The following RYR1 variants were observed in gnomAD, a reference collection of about 807,000 sequenced individuals.
RYR1 encodes the protein central core disease of muscle.
A neutral mutation model predicts 583.5 loss-of-function variants in RYR1; 342 were observed. The observed-to-expected ratio is 0.59, with a 90% confidence interval of 0.54 to 0.64. RYR1 has a LOEUF of 0.64. RYR1 is among the 30% of genes least tolerant of loss of function. The probability of loss-of-function intolerance (pLI) is 0.00; values close to 1 mark genes in which losing one functional copy is unlikely to be tolerated. For missense variants in RYR1, 6,032 were observed against 6,917.2 expected (o/e 0.87, Z 4.54); for synonymous variants, 2,791 against 2,822.5 (o/e 0.99, Z 0.35).
Position 38,587,442 on chromosome 19 carries a change from A to G in RYR1, c.*22A>G. The G allele has an allele frequency of 6.3e-7, 1 of 1,577,494 alleles. No homozygotes were observed. The highest frequency in any genetic ancestry group is 8.7e-7 in the Non-Finnish European group (1 of 1,147,650). On this transcript the variant is annotated 3_prime_UTR_variant, in exon 106 of 106. Transcript: ENST00000359596. Reference sequence around the variant, plus strand: ...CTGACACACCCCCAGCTGGCCCTCCACCCCCACCTCAAGTGCCTTATTCTC... The same window carrying G: ...CTGACACACCCCCAGCTGGCCCTCCGCCCCCACCTCAAGTGCCTTATTCTC...
chr19:38,565,860 G>A lies in RYR1; in HGVS notation c.13437+89G>A, dbSNP rs750425746. On this transcript the variant is annotated intron_variant, in intron 91 of 105. Transcript: ENST00000359596. The surrounding 1 kb of genome is among the most constrained non-coding windows in gnomAD (Gnocchi z 4.7). ...CCGGCTGGGTGGAGACACACACAGAGGAGAGAACTGGCTAGGGGGATGGGC... is the reference window on the plus strand; with the variant it reads ...CCGGCTGGGTGGAGACACACACAGAAGAGAGAACTGGCTAGGGGGATGGGC... 35 of 1,312,646 alleles carry A rather than the reference G, an allele frequency of 2.7e-5. No individual in the cohort carries two copies. The highest frequency in any genetic ancestry group is 4.0e-5 in the Admixed American group (1 of 24,980). 81.3% of individuals were successfully genotyped at this position (1,312,646 alleles called of 1,614,324 possible). A position where few individuals can be genotyped will look rare whatever the true frequency, so the allele number is the denominator to read the frequency against.
At chr19:38,568,008 C>T (rs1973526097) in intron 93 of RYR1, 91 bp downstream of exon 93, 1 of 1,460,862 alleles carries the variant, frequency 6.8e-7, no homozygotes, top group East Asian at 2.4e-5. Flanking sequence ...TTCTTGAGTT[C>T]ATCTGTTCAA....
chr19:38,542,819 C>G (rs1344436197), intron 84 of RYR1, among the ~76,000 whole-genome samples: 1 of 149,118 alleles, frequency 6.7e-6, no homozygotes, highest in Admixed American at 6.7e-5. Flanking sequence ...CCGCTCCCAG[C>G]CTATTTTAAA....
At chr19:38,503,374 G>C (rs1568508446) in intron 49 of RYR1, among the ~76,000 whole-genome samples, 2 of 152,042 alleles carry the variant, frequency 1.3e-5, no homozygotes, top group African/African-American at 4.8e-5. Context: ...TTTGCACACT[G>C]TCTCTCTTAT....
chr19:38,576,171 A>G (rs1179475011), intron 97 of RYR1, among the ~76,000 whole-genome samples: 1 of 152,018 alleles, frequency 6.6e-6, no homozygotes, highest in Non-Finnish European at 1.5e-5. Context: ...CAGAGCATCA[A>G]GGCCAAGCGT....
At position 38,438,387 on chromosome 19, in the gene RYR1, A is replaced by ATTT. The variant is rs35789428; in HGVS notation, c.46-2348_46-2346dup. ...GGATTTAAGCTCCCTGAGGGCCGTG[A>ATTT]TTTTTTTTTTTTCCTTTTGAGACAT... On this transcript the variant is annotated intron_variant, in intron 1 of 105. Coordinates refer to ENST00000359596, the MANE Select transcript of RYR1 (RefSeq NM_000540.3). Among the ~76,000 whole-genome samples the ATTT allele has an allele frequency of 6.9e-4, 101 of 147,094 alleles. 1 individual carries two copies. The highest frequency in any genetic ancestry group is 2.8e-3 in the East Asian group (14 of 5,002).
At chr19:38,564,066 G>A (rs909863750) in intron 90 of RYR1, among the ~76,000 whole-genome samples, 2 of 152,172 alleles carry the variant, frequency 1.3e-5, no homozygotes, top group African/African-American at 4.8e-5. Flanking sequence ...TCTCTCTATA[G>A]GTTTGCTATT....
At chr19:38,511,129 C>G (rs1479116216) in intron 60 of RYR1, among the ~76,000 whole-genome samples, 1 of 152,000 alleles carries the variant, frequency 6.6e-6, no homozygotes, top group Middle Eastern at 3.4e-3. Context: ...GACCCCATTT[C>G]TACAAAAAAT....
At position 38,543,749 on chromosome 19, in the gene RYR1, C is replaced by T. The variant is rs369123879; in HGVS notation, c.11908-22C>T. 14 of 1,611,662 alleles carry T rather than the reference C, an allele frequency of 8.7e-6. No individual in the cohort carries two copies. The African/African-American group carries it at 1.1e-4, about 12-fold the overall frequency. ...CCTTCTCGGGGATTCCCTTCCCCCC[C>T]ACACGGCACTCTGCCTCCCAGGGTC... On this transcript the variant is annotated intron_variant, in intron 86 of 105. Transcript: ENST00000359596. The surrounding 1 kb of genome is among the most constrained non-coding windows in gnomAD (Gnocchi z 4.4).
Position 38,463,425 on chromosome 19 carries a change from T to C in RYR1, c.2580T>C (p.Ile860=). ...CAAGAACGTCCCTCTGCCTCTAGAT[T>C]GTCCTGCCGCCCCATCTGGAGCGCA... ...FVPCPVDTVQ[I]VLPPHLERIR... Residue 860 remains isoleucine, a splice_region_variant and synonymous_variant, in exon 21 of 106, where the codon ATT becomes ATC. Coordinates refer to ENST00000359596, the MANE Select transcript of RYR1 (RefSeq NM_000540.3). 1 of 1,613,742 alleles carries C rather than the reference T, an allele frequency of 6.2e-7. No individual in the cohort carries two copies. Among genetic ancestry groups the C allele is most frequent in the South Asian group, 1.1e-5 (1 of 91,048 alleles).
rs183222504 is a variant in RYR1 at position 38,554,761 on chromosome 19, C to A, written c.12282+6341C>A. On this transcript the variant is annotated intron_variant, in intron 89 of 105. Coordinates refer to ENST00000359596, the MANE Select transcript of RYR1 (RefSeq NM_000540.3). Reference sequence around the variant, plus strand: ...GCGCTGGGATTACAGGAATGAGTCACCTCACCCAACAGAAACCACATTTTA... The same window carrying A: ...GCGCTGGGATTACAGGAATGAGTCAACTCACCCAACAGAAACCACATTTTA... Among the ~76,000 whole-genome samples the A allele has an allele frequency of 2.0e-5, 3 of 152,228 alleles. No individual in the cohort carries two copies. The East Asian group carries it at 5.8e-4, about 29-fold the overall frequency.
intron 31 of RYR1, 82 bp downstream of exon 31, chr19:38,478,682 A>G: frequency 6.6e-7 from 1 of 1,514,082 alleles, no homozygotes; most frequent in Non-Finnish European, 9.1e-7. Context: ...CCCTGAGGCC[A>G]GACCTCAGAG....
Position 38,565,271 on chromosome 19 carries a change from C to CTGCGGCGGCGCG in RYR1, c.12947_12958dup (p.Arg4316_Arg4319dup), listed in dbSNP as rs1455190973. 2.4e-5 allele frequency: 24 copies of CTGCGGCGGCGCG among 995,600 alleles called. No homozygotes were observed. The highest frequency in any genetic ancestry group is 2.2e-4 in the East Asian group (2 of 9,218). 61.7% of individuals were successfully genotyped at this position (995,600 alleles called of 1,614,324 possible). ...CCTGCGAGGCCTCAGCTACCGCAGC[C>CTGCGGCGGCGCG]TGCGGCGGCGCGTGCGGCGGCTGCG... On this transcript the variant is annotated inframe_insertion, in exon 91 of 106. Transcript: ENST00000359596. The surrounding 1 kb of genome is among the most constrained non-coding windows in gnomAD (Gnocchi z 4.7).
At chr19:38,570,528 G>A (rs1028232865) in intron 93 of RYR1, 79 bp from the exon 94 acceptor site, 3 of 977,606 alleles carry the variant, frequency 3.1e-6, no homozygotes, top group Non-Finnish European at 5.0e-6. Flanking sequence ...TACTTTGATT[G>A]CAGGTAAATG....
At position 38,466,008 on chromosome 19, in the gene RYR1, T is replaced by C; in HGVS notation, c.2871-83T>C. 3.0e-6 allele frequency: 4 copies of C among 1,319,424 alleles called. No individual in the cohort carries two copies. In the Admixed American group the frequency reaches 7.9e-5, roughly 26 times the overall value. 81.7% of individuals were successfully genotyped at this position (1,319,424 alleles called of 1,614,324 possible). On this transcript the variant is annotated intron_variant, in intron 23 of 105. Transcript: ENST00000359596. ...AGAAACGCCGAAGCTGGGACAAGGG[T>C]CAGCAGTCAGGGATCCCATATAGTG...
At chr19:38,464,118 A>C (rs1382942488) in intron 22 of RYR1, among the ~76,000 whole-genome samples, 2 of 151,886 alleles carry the variant, frequency 1.3e-5, no homozygotes, top group Non-Finnish European at 2.9e-5. Flanking sequence ...CTCTACTAAA[A>C]ATACAAAACT....
intron 49 of RYR1, 111 bp downstream of exon 49, chr19:38,503,081 G>A (rs921346169): frequency 2.0e-6 from 2 of 1,005,814 alleles, no homozygotes; most frequent in East Asian, 5.0e-5. Flanking sequence ...CAATAAACCT[G>A]CACTAGTTAG....
At chr19:38,457,460 G>A (rs1160730780) in intron 16 of RYR1, 37 bp from the exon 17 acceptor site, 1 of 1,613,968 alleles carries the variant, frequency 6.2e-7, no homozygotes, top group South Asian at 1.1e-5. Flanking sequence ...CTGCCCTGGT[G>A]CCTACACACC....
rs1346257891 is a variant in RYR1, at chr19:38,496,407, A to G, written c.6664-2A>G. On this transcript the variant is annotated splice_acceptor_variant, in intron 40 of 105. Transcript: ENST00000359596. LOFTEE classifies it high-confidence loss of function. This position sits in a 1 kb window ranked among gnomAD's most constrained non-coding sequence, Gnocchi z 4.8. ...AGGCCCTGACCACCCTGCCTGTCCC[A>G]GGAGATCCGCTTCCCCAAGATGGTG... 7 of 1,613,752 alleles carry G rather than the reference A, an allele frequency of 4.3e-6. No homozygotes were observed. Among genetic ancestry groups the G allele is most frequent in the Non-Finnish European group, 5.9e-6 (7 of 1,180,034 alleles).
Sources: gnomAD v4.1 joint callset for allele counts (sites outside exome capture counted in the v4.1 genomes callset) on GRCh38, gnomAD v4.1.1 for gene constraint, Gnocchi (gnomAD v3.1) non-coding constraint, MANE v1.5 for transcripts, NCBI Gene and HGNC (gene_info 2026-07-23, HGNC 2026-07-21) for gene names.